Variants in CDC123 observed in about 807,000 individuals in gnomAD.
CDC123 encodes the protein translation initiation factor eIF2 assembly protein.
A neutral mutation model predicts 54.4 loss-of-function variants in CDC123; 37 were observed. The ratio of observed to expected loss-of-function variants is 0.68; its 90% CI spans 0.52 to 0.89. The LOEUF (loss-of-function observed/expected upper bound fraction) is 0.89. CDC123 is among the 40% of genes least tolerant of loss of function. CDC123 has a pLI of 0.00. For missense variants in CDC123, 361 were observed against 412.1 expected (o/e 0.88, Z 1.07); for synonymous variants, 144 against 136.8 (o/e 1.05, Z -0.37).
chr10:12,200,959 A>G (rs913286577), intron 2 of CDC123, among the ~76,000 whole-genome samples: 1 of 152,206 alleles, frequency 6.6e-6, no homozygotes, highest in African/African-American at 2.4e-5. Context: ...CTGTTAAACA[A>G]CACGATACAG....
At chr10:12,223,758 TA>T (rs1564437922) in intron 6 of CDC123, among the ~76,000 whole-genome samples, 1 of 152,378 alleles carries the variant, frequency 6.6e-6, no homozygotes, top group Non-Finnish European at 1.5e-5. Context: ...GCACTCCTTT[TA>T]TTTTTTTTTG....
Position 12,210,016 on chromosome 10 carries a change from G to T in CDC123, c.196G>T (p.Glu66Ter). Residue 66 changes from glutamate (E) to a stop codon, truncating the protein, a stop_gained, in exon 3 of 13, where the codon GAA becomes TAA. Transcript: ENST00000281141. LOFTEE classifies it high-confidence loss of function. ...SQPDSDDEAE[E>*]IQWSDDENTA... The stretch of plus-strand genomic sequence containing the variant: ...GCCAGACAGTGATGATGAAGCAGAA[G>T]AAATACAGGTTGGTACCAAATAAAA... 6.2e-7 allele frequency: 1 copy of T among 1,614,120 alleles called. No homozygotes were observed.
chr10:12,197,808 A>G (rs1835384747), intron 1 of CDC123, among the ~76,000 whole-genome samples: 1 of 152,178 alleles, frequency 6.6e-6, no homozygotes, highest in Non-Finnish European at 1.5e-5. Context: ...AAAATAAATA[A>G]AAATACTTAT....
intron 6 of CDC123, among the ~76,000 whole-genome samples, chr10:12,226,548 T>A (rs1835818371): frequency 7.7e-6 from 1 of 129,044 alleles, no homozygotes. Context: ...GGGGTGGAGG[T>A]TGGGCAGAGA....
At position 12,249,586 on chromosome 10, in the gene CDC123, C is replaced by T. The variant is rs758986621; in HGVS notation, c.852C>T (p.Ser284=). The T allele has an allele frequency of 6.2e-7, 1 of 1,612,418 alleles. No homozygotes were observed. The change falls in exon 12 of 13, where the codon TCC becomes TCT. Residue 284 remains serine (S), a synonymous_variant. Coordinates refer to ENST00000281141, the MANE Select transcript of CDC123 (RefSeq NM_006023.3). ...CCTTTTTCTTCTTTGTACAGGATTC[C>T]CCAGCTTTCCGTTGCACAAACAGTG... ...FSEVDAQEQD[S]PAFRCTNSEV...
chr10:12,232,703 C>G (rs1397317045), intron 7 of CDC123, among the ~76,000 whole-genome samples: 1 of 152,130 alleles, frequency 6.6e-6, no homozygotes, highest in Non-Finnish European at 1.5e-5. Context: ...ACAGCTATTG[C>G]TTCACGCAAC....
intron 8 of CDC123, among the ~76,000 whole-genome samples, chr10:12,236,094 A>G (rs1450686579): frequency 6.6e-6 from 1 of 152,246 alleles, no homozygotes; most frequent in Non-Finnish European, 1.5e-5. Flanking sequence ...CTTCTATGCA[A>G]TACAGTATGA....
intron 2 of CDC123, among the ~76,000 whole-genome samples, chr10:12,208,617 A>C (rs998702083): frequency 6.6e-6 from 1 of 152,182 alleles, no homozygotes; most frequent in Admixed American, 6.5e-5. Context: ...TGCAGCGCTG[A>C]TAATGCCAAG....
At chr10:12,197,226 CAT>C (rs1213132718) in intron 1 of CDC123, among the ~76,000 whole-genome samples, 1 of 151,838 alleles carries the variant, frequency 6.6e-6, no homozygotes, top group Non-Finnish European at 1.5e-5. Flanking sequence ...AGCAAATAGA[CAT>C]ATTAAGAAAG....
At chr10:12,217,329 A>G (rs910120208) in intron 5 of CDC123, 32 bp from the exon 6 acceptor site, 3 of 1,592,342 alleles carry the variant, frequency 1.9e-6, no homozygotes, top group Admixed American at 3.4e-5. Flanking sequence ...AACATGGAAT[A>G]TGGACTAAAT....
At chr10:12,243,177 T>A (rs1836083199) in intron 10 of CDC123, among the ~76,000 whole-genome samples, 2 of 151,902 alleles carry the variant, frequency 1.3e-5, no homozygotes, top group Non-Finnish European at 2.9e-5. Flanking sequence ...GGCGGGCAGA[T>A]CACCTGAGTT....
At chr10:12,241,657 T>C (rs1167206783) in intron 10 of CDC123, among the ~76,000 whole-genome samples, 1 of 152,212 alleles carries the variant, frequency 6.6e-6, no homozygotes, top group Non-Finnish European at 1.5e-5. Flanking sequence ...AGTTTATTTA[T>C]TTACTTTGAG....
Position 12,230,839 on chromosome 10 carries a change from T to C in CDC123, c.441-109T>C, listed in dbSNP as rs557435025. ...CGAATTTGAGTTAGTCTCCTGTTTCTGGATGCTTTTAGTAAAACGTTACTC... is the reference window on the plus strand; with the variant it reads ...CGAATTTGAGTTAGTCTCCTGTTTCCGGATGCTTTTAGTAAAACGTTACTC... On this transcript the variant is annotated intron_variant, in intron 6 of 12. Coordinates refer to ENST00000281141, the MANE Select transcript of CDC123 (RefSeq NM_006023.3). 5.0e-5 allele frequency: 51 copies of C among 1,011,026 alleles called. No individual in the cohort carries two copies. In the East Asian group the frequency reaches 1.2e-3, roughly 24 times the overall value. 62.6% of individuals were successfully genotyped at this position (1,011,026 alleles called of 1,614,324 possible). A position where few individuals can be genotyped will look rare whatever the true frequency, so the allele number is the denominator to read the frequency against.
intron 4 of CDC123, among the ~76,000 whole-genome samples, chr10:12,213,237 G>C (rs1835625886): frequency 6.6e-6 from 1 of 152,176 alleles, no homozygotes; most frequent in Non-Finnish European, 1.5e-5. Flanking sequence ...ACAATGCAAA[G>C]ACCTGGCAGC....
At position 12,231,006 on chromosome 10, in the gene CDC123, T is replaced by C; in HGVS notation, c.489+10T>C. 1 of 1,593,532 alleles carries C rather than the reference T, an allele frequency of 6.3e-7. No individual in the cohort carries two copies. ...ATGTATAGAATATGAGGTAAGAAGCTTATTTTCTTTGATAATTGTAGATGA... is the reference window on the plus strand; with the variant it reads ...ATGTATAGAATATGAGGTAAGAAGCCTATTTTCTTTGATAATTGTAGATGA... On this transcript the variant is annotated intron_variant, in intron 7 of 12. Coordinates refer to ENST00000281141, the MANE Select transcript of CDC123 (RefSeq NM_006023.3).
At position 12,250,448 on chromosome 10, in the gene CDC123, A is replaced by G; in HGVS notation, c.*111A>G. On this transcript the variant is annotated 3_prime_UTR_variant, in exon 13 of 13. Coordinates refer to ENST00000281141, the MANE Select transcript of CDC123 (RefSeq NM_006023.3). Reference sequence around the variant, plus strand: ...TGCGGGTGGGCCGAGCAGTGTGGACATCAGCCACTTTTTATATTCATGTAC... The same window carrying G: ...TGCGGGTGGGCCGAGCAGTGTGGACGTCAGCCACTTTTTATATTCATGTAC... 2 of 814,818 alleles carry G rather than the reference A, an allele frequency of 2.5e-6. No individual in the cohort carries two copies. The highest frequency in any genetic ancestry group is 2.7e-5 in the South Asian group (2 of 73,992). 50.5% of individuals were successfully genotyped at this position (814,818 alleles called of 1,614,324 possible). A position where few individuals can be genotyped will look rare whatever the true frequency, so the allele number is the denominator to read the frequency against.
intron 8 of CDC123, among the ~76,000 whole-genome samples, chr10:12,235,543 T>C (rs1835968165): frequency 1.3e-5 from 2 of 152,236 alleles, no homozygotes; most frequent in South Asian, 2.1e-4. Context: ...AGAGAAAATA[T>C]GTGGACAAGT....
chr10:12,212,196 G>C (rs566501041), intron 4 of CDC123, among the ~76,000 whole-genome samples: 1 of 152,326 alleles, frequency 6.6e-6, no homozygotes, highest in South Asian at 2.1e-4. Flanking sequence ...AGAAGTTTTA[G>C]AATCAATGAC....
chr10:12,234,564 T>C (rs1054182237), intron 7 of CDC123, among the ~76,000 whole-genome samples: 35 of 152,086 alleles, frequency 2.3e-4, no homozygotes, highest in African/African-American at 8.0e-4. Context: ...GCAGAACATA[T>C]GAATGAACGT....
Sources: allele counts gnomAD v4.1 joint callset (sites outside exome capture counted in the v4.1 genomes callset), GRCh38; gene constraint gnomAD v4.1.1; transcripts MANE v1.5; gene names NCBI Gene and HGNC (gene_info 2026-07-23, HGNC 2026-07-21).